ARHGEF26: variants seen among roughly 807,000 people sequenced by gnomAD.
ARHGEF26 encodes the protein Rho guanine nucleotide exchange factor (GEF) 26.
Under a neutral mutation model 89.4 loss-of-function variants are expected in ARHGEF26, and 59 were observed. That is an observed-to-expected ratio of 0.66 (90% CI 0.54 to 0.82). The LOEUF (loss-of-function observed/expected upper bound fraction) is 0.82, where lower values mean the gene tolerates loss of function less well. Ranked by LOEUF, ARHGEF26 falls within the 40% of genes least tolerant of loss-of-function variation. The pLI, the probability that ARHGEF26 is intolerant of heterozygous loss-of-function variation, is 0.00. For missense variants in ARHGEF26, 1,234 were observed against 1,085.6 expected (o/e 1.14, Z -1.92); for synonymous variants, 500 against 428.4 (o/e 1.17, Z -2.06).
chr3:154,197,894 A>G lies in ARHGEF26; in HGVS notation c.1845+3176A>G, dbSNP rs576422469. Among the ~76,000 whole-genome samples the G allele has an allele frequency of 2.0e-5, 3 of 152,230 alleles. No homozygotes were observed. In the East Asian group the frequency reaches 5.8e-4, roughly 29 times the overall value. ...GGAATAGTGATCAAGAGATGGTCTT[A>G]TGCCAAATGAATCTTCCCTGTTATT... On this transcript the variant is annotated intron_variant, in intron 9 of 14. Transcript: ENST00000465093.
At chr3:154,140,783 GT>G (rs1719321032) in intron 4 of ARHGEF26, among the ~76,000 whole-genome samples, 1 of 151,926 alleles carries the variant, frequency 6.6e-6, no homozygotes, top group Non-Finnish European at 1.5e-5. Flanking sequence ...GTTTTGTTAT[GT>G]TGGTCAGGCT....
At chr3:154,133,194 T>C (rs1406753364) in intron 4 of ARHGEF26, among the ~76,000 whole-genome samples, 1 of 152,188 alleles carries the variant, frequency 6.6e-6, no homozygotes, top group African/African-American at 2.4e-5. Context: ...GAGTCTGTGC[T>C]GTAATTTGTC....
chr3:154,183,439 G>A (rs1466445072), intron 6 of ARHGEF26, among the ~76,000 whole-genome samples: 3 of 152,186 alleles, frequency 2.0e-5, no homozygotes, highest in Non-Finnish European at 4.4e-5. Context: ...TTAAAAAGTT[G>A]TCCTCCTCGT....
rs1182784107 is a variant in ARHGEF26 at position 154,213,222 on chromosome 3, T to A, written c.1846-4647T>A. Among the ~76,000 whole-genome samples the A allele has an allele frequency of 2.8e-4, 40 of 141,048 alleles. 1 individual carries two copies. Among genetic ancestry groups the A allele is most frequent in the African/African-American group, 5.2e-4 (20 of 38,482 alleles). The allele number at this position is 141,048 out of a possible 152,430, so 92.5% of individuals were successfully genotyped here. On this transcript the variant is annotated intron_variant, in intron 9 of 14. Transcript: ENST00000465093. ...AACATAGAGAGAGAGAGAGAGTGTG[T>A]GTGTGTGTGTGTGTGTGTGTATATA...
chr3:154,256,642 A>G lies in ARHGEF26; in HGVS notation c.*1169A>G. The G allele has an allele frequency of 1.7e-6, 2 of 1,151,690 alleles. No homozygotes were observed. The highest frequency in any genetic ancestry group is 2.1e-6 in the Non-Finnish European group (2 of 939,048). 71.3% of individuals were successfully genotyped at this position (1,151,690 alleles called of 1,614,324 possible). On this transcript the variant is annotated 3_prime_UTR_variant, in exon 15 of 15. Coordinates refer to ENST00000465093, the MANE Select transcript of ARHGEF26 (RefSeq NM_015595.4). ...TTGCCTTCAATAATACCTAGTTTTCAGCTGTTCCAACTCGTTTCCAAATAG... is the reference window on the plus strand; with the variant it reads ...TTGCCTTCAATAATACCTAGTTTTCGGCTGTTCCAACTCGTTTCCAAATAG...
rs1025463180 is a variant in ARHGEF26, at chr3:154,144,249, C to T, written c.1270-5140C>T. Among the ~76,000 whole-genome samples the T allele has an allele frequency of 9.9e-5, 15 of 152,126 alleles. No homozygotes were observed. The South Asian group carries it at 1.0e-3, about 11-fold the overall frequency. On this transcript the variant is annotated intron_variant, in intron 4 of 14. Transcript: ENST00000465093. The stretch of plus-strand genomic sequence containing the variant: ...GCTCAGGCTTTGGGGGTGGACAGGC[C>T]GGCCCAAGTTTGAATCTCAGCTTTC...
chr3:154,206,238 C>G (rs1036513110), intron 9 of ARHGEF26, among the ~76,000 whole-genome samples: 6 of 152,188 alleles, frequency 3.9e-5, no homozygotes, highest in African/African-American at 1.4e-4. Flanking sequence ...AAGCTTTCCA[C>G]TGAAAAGTCT....
intron 9 of ARHGEF26, among the ~76,000 whole-genome samples, chr3:154,195,616 G>A (rs1714241911): frequency 1.3e-5 from 2 of 152,184 alleles, no homozygotes; most frequent in South Asian, 2.1e-4. Context: ...TGGGCAGCGA[G>A]GTAGATGCTC....
At chr3:154,216,513 T>A (rs1439050974) in intron 9 of ARHGEF26, among the ~76,000 whole-genome samples, 1,548 of 148,048 alleles carry the variant, frequency 0.01, 32 homozygotes, top group African/African-American at 0.036. Flanking sequence ...TTTTTTATTT[T>A]TTTTTTATGT....
intron 11 of ARHGEF26, among the ~76,000 whole-genome samples, chr3:154,228,892 T>C (rs1220565934): frequency 1.3e-5 from 2 of 152,222 alleles, no homozygotes; most frequent in African/African-American, 4.8e-5. Flanking sequence ...CACTGCCTAA[T>C]TCTAATTCCA....
chr3:154,175,260 G>A (rs1712734798), intron 6 of ARHGEF26, among the ~76,000 whole-genome samples: 1 of 152,098 alleles, frequency 6.6e-6, no homozygotes, highest in Non-Finnish European at 1.5e-5. Flanking sequence ...AGCCTGACAT[G>A]GGCTGTACCT....
chr3:154,150,828 C>G (rs949405008), intron 5 of ARHGEF26, among the ~76,000 whole-genome samples: 4 of 152,146 alleles, frequency 2.6e-5, no homozygotes, highest in Admixed American at 1.3e-4. Context: ...TTCAGACTTT[C>G]TATTCCTATA....
intron 9 of ARHGEF26, among the ~76,000 whole-genome samples, chr3:154,207,880 A>C (rs1403540763): frequency 6.6e-6 from 1 of 152,186 alleles, no homozygotes; most frequent in Non-Finnish European, 1.5e-5. Context: ...GATAAAGAAA[A>C]TGTACATATA....
intron 9 of ARHGEF26, among the ~76,000 whole-genome samples, chr3:154,204,358 A>G (rs1457737369): frequency 1.4e-5 from 2 of 139,754 alleles, no homozygotes; most frequent in African/African-American, 5.3e-5. Flanking sequence ...TTTTGAGACA[A>G]GAGTTTTGCT....
chr3:154,213,225 G>A (rs917444011), intron 9 of ARHGEF26, among the ~76,000 whole-genome samples: 2 of 143,652 alleles, frequency 1.4e-5, no homozygotes, highest in East Asian at 4.0e-4. Flanking sequence ...GAGTGTGTGT[G>A]TGTGTGTGTG....
At chr3:154,132,536 T>C (rs2108053026) in intron 4 of ARHGEF26, among the ~76,000 whole-genome samples, 1 of 152,226 alleles carries the variant, frequency 6.6e-6, no homozygotes, top group Non-Finnish European at 1.5e-5. Context: ...CTACTAAATT[T>C]TCAAGTTGTA....
chr3:154,235,248 A>G (rs780675838), intron 11 of ARHGEF26, among the ~76,000 whole-genome samples: 1 of 152,082 alleles, frequency 6.6e-6, no homozygotes, highest in Admixed American at 6.5e-5. Context: ...AAGCTTTTCT[A>G]TTCATTAATT....
At chr3:154,247,570 G>T (rs1279711053) in intron 12 of ARHGEF26, among the ~76,000 whole-genome samples, 2 of 152,064 alleles carry the variant, frequency 1.3e-5, no homozygotes, top group Non-Finnish European at 2.9e-5. Flanking sequence ...ATAGCGAGTA[G>T]GTTCCCAATA....
At chr3:154,184,870 A>G (rs532783080) in intron 6 of ARHGEF26, among the ~76,000 whole-genome samples, 17 of 152,154 alleles carry the variant, frequency 1.1e-4, no homozygotes, top group South Asian at 4.2e-4. Flanking sequence ...AACCTTTGCA[A>G]TCAAGCTCAG....
Sources: allele counts gnomAD v4.1 joint callset (sites outside exome capture counted in the v4.1 genomes callset), GRCh38; gene constraint gnomAD v4.1.1; transcripts MANE v1.5; gene names NCBI Gene and HGNC (gene_info 2026-07-23, HGNC 2026-07-21).